Variants in PRR16 observed in about 807,000 individuals in gnomAD.
The protein encoded by PRR16 is proline rich 16.
A neutral mutation model predicts 18.2 loss-of-function variants in PRR16; 6 were observed. The ratio of observed to expected loss-of-function variants is 0.33; its 90% CI spans 0.18 to 0.65. The LOEUF (loss-of-function observed/expected upper bound fraction) is 0.65, where lower values mean the gene tolerates loss of function less well. PRR16 is among the 30% of genes least tolerant of loss of function. The pLI is 0.74. For missense variants in PRR16, 412 were observed against 376.6 expected, an observed-to-expected ratio of 1.09 and a Z score of -0.78; for synonymous variants, 151 against 147.8, an observed-to-expected ratio of 1.02 and a Z score of -0.16.
At chr5:120,629,018 A>G (rs977543965) in intron 1 of PRR16, among the ~76,000 whole-genome samples, 1 of 151,952 alleles carries the variant, frequency 6.6e-6, no homozygotes, top group Non-Finnish European at 1.5e-5. Flanking sequence ...CAGGTTTTCA[A>G]TCCTCACCTT....
intron 1 of PRR16, among the ~76,000 whole-genome samples, chr5:120,593,922 T>C (rs187029550): frequency 6.6e-6 from 1 of 152,062 alleles, no homozygotes; most frequent in East Asian, 1.9e-4. Flanking sequence ...TCTCAGTAGA[T>C]GTAGAAAAAG....
the PRR16 span, among the ~76,000 whole-genome samples, chr5:120,700,954 C>A: frequency 2.6e-5 from 4 of 152,116 alleles, no homozygotes; most frequent in Non-Finnish European, 5.9e-5. Context: ...GTTGAACAGT[C>A]CAATTTTCAG....
chr5:120,663,720 A>G (rs1227711099), intron 1 of PRR16, among the ~76,000 whole-genome samples: 1 of 152,186 alleles, frequency 6.6e-6, no homozygotes, highest in East Asian at 1.9e-4. Context: ...ACTGTAGAGT[A>G]TATGTATTTT....
chr5:120,642,723 C>T (rs1320325608), intron 1 of PRR16, among the ~76,000 whole-genome samples: 5 of 152,102 alleles, frequency 3.3e-5, no homozygotes, highest in Admixed American at 2.6e-4. Context: ...CTTCAAACAA[C>T]TGGCTACTCA....
At chr5:120,732,036 AG>A in the PRR16 span, among the ~76,000 whole-genome samples, 3 of 152,146 alleles carry the variant, frequency 2.0e-5, no homozygotes, top group Admixed American at 1.3e-4. Flanking sequence ...CTTTCCTAGT[AG>A]GAGATGCAAG....
rs532269335 is a variant in PRR16 at position 120,503,208 on chromosome 5, C to T, written c.159+38563C>T. ...TCTTAAGTCTTGCATAGTTTTCAGA[C>T]TCTAGGGCCTAAATTTCATATTTGA... On this transcript the variant is annotated intron_variant, in intron 1 of 1. Coordinates refer to ENST00000407149, the MANE Select transcript of PRR16 (RefSeq NM_001300783.2). Among the ~76,000 whole-genome samples, 53 of 152,056 alleles carry T rather than the reference C, an allele frequency of 3.5e-4. 1 individual carries two copies. The South Asian group carries it at 0.01, about 30-fold the overall frequency.
chr5:120,719,348 T>C, the PRR16 span, among the ~76,000 whole-genome samples: 1 of 152,010 alleles, frequency 6.6e-6, no homozygotes, highest in African/African-American at 2.4e-5. Flanking sequence ...GTCAGATAAA[T>C]TGTAGAAAAT....
At chr5:120,572,005 C>G (rs138778214) in intron 1 of PRR16, among the ~76,000 whole-genome samples, 73 of 152,248 alleles carry the variant, frequency 4.8e-4, no homozygotes, top group African/African-American at 1.6e-3. Flanking sequence ...TGCATGGTAT[C>G]CAAACTGTTT....
At chr5:120,755,867 G>T in the PRR16 span, among the ~76,000 whole-genome samples, 1 of 152,100 alleles carries the variant, frequency 6.6e-6, no homozygotes. Context: ...TGAAAGCACA[G>T]ATTTACTGAA....
the PRR16 span, among the ~76,000 whole-genome samples, chr5:120,712,385 C>T: frequency 6.6e-6 from 1 of 152,048 alleles, no homozygotes; most frequent in Non-Finnish European, 1.5e-5. Flanking sequence ...TACAGCTATA[C>T]GTTTCTTTCC....
At chr5:120,634,996 A>G (rs1264708336) in intron 1 of PRR16, among the ~76,000 whole-genome samples, 2 of 152,190 alleles carry the variant, frequency 1.3e-5, no homozygotes, top group Non-Finnish European at 2.9e-5. Context: ...ATCTTTACAT[A>G]CATAAACTAG....
chr5:120,613,071 A>C (rs973365275), intron 1 of PRR16, among the ~76,000 whole-genome samples: 2 of 152,346 alleles, frequency 1.3e-5, no homozygotes, highest in Middle Eastern at 3.4e-3. Flanking sequence ...TGAGCAAAGC[A>C]TACAGTTGGC....
At chr5:120,605,996 C>T (rs1178804730) in intron 1 of PRR16, among the ~76,000 whole-genome samples, 1 of 152,128 alleles carries the variant, frequency 6.6e-6, no homozygotes, top group Non-Finnish European at 1.5e-5. Flanking sequence ...TGGGCAAGTG[C>T]ACACCAACAG....
chr5:120,769,706 T>C, the PRR16 span, among the ~76,000 whole-genome samples: 1 of 151,940 alleles, frequency 6.6e-6, no homozygotes, highest in Non-Finnish European at 1.5e-5. Flanking sequence ...CTGATTTCAA[T>C]TCATTTGGAT....
At chr5:120,517,491 T>C (rs1751035657) in intron 1 of PRR16, among the ~76,000 whole-genome samples, 1 of 152,150 alleles carries the variant, frequency 6.6e-6, no homozygotes, top group Non-Finnish European at 1.5e-5. Flanking sequence ...TGGGTTCCCA[T>C]AGAAAATATA....
chr5:120,641,788 A>C (rs762808862), intron 1 of PRR16, among the ~76,000 whole-genome samples: 1 of 152,108 alleles, frequency 6.6e-6, no homozygotes, highest in Non-Finnish European at 1.5e-5. Context: ...GAGAGCGTTA[A>C]CTGGAATCTG....
At chr5:120,572,253 A>G (rs879656086) in intron 1 of PRR16, among the ~76,000 whole-genome samples, 1 of 152,150 alleles carries the variant, frequency 6.6e-6, no homozygotes, top group Non-Finnish European at 1.5e-5. Flanking sequence ...CTGATGGGAG[A>G]ACTCTCAAAG....
At chr5:120,519,282 T>A (rs1751096899) in intron 1 of PRR16, among the ~76,000 whole-genome samples, 1 of 152,138 alleles carries the variant, frequency 6.6e-6, no homozygotes, top group African/African-American at 2.4e-5. Flanking sequence ...AGTTACAATT[T>A]ATCATTGTAA....
At chr5:120,668,925 C>A (rs749970717) in intron 1 of PRR16, among the ~76,000 whole-genome samples, 3 of 151,822 alleles carry the variant, frequency 2.0e-5, no homozygotes, top group Non-Finnish European at 2.9e-5. Context: ...ATAACGCGTC[C>A]GCATCAAATA....
Sources: allele counts gnomAD v4.1 joint callset (sites outside exome capture counted in the v4.1 genomes callset), GRCh38; gene constraint gnomAD v4.1.1; transcripts MANE v1.5; gene names NCBI Gene and HGNC (gene_info 2026-07-23, HGNC 2026-07-21).